The following DCAF6 variants were observed in gnomAD, a reference collection of about 807,000 sequenced individuals.
The protein encoded by DCAF6 is DDB1- and CUL4-associated factor 6.
Under a neutral mutation model 125.1 loss-of-function variants are expected in DCAF6, and 54 were observed. The observed-to-expected ratio is 0.43, with a 90% CI of 0.35 to 0.54. The LOEUF is 0.54. Ranked by LOEUF, DCAF6 falls within the 20% of genes least tolerant of loss-of-function variation. The pLI is 0.01. For missense variants in DCAF6, 934 were observed against 1,161.7 expected (o/e 0.80, Z 2.85); for synonymous variants, 371 against 390.4 (o/e 0.95, Z 0.58).
At chr1:167,899,341 C>G in the DCAF6 span, 1 of 1,387,180 alleles carries the variant, frequency 7.2e-7, no homozygotes, top group Admixed American at 1.7e-5. Context: ...TTTATGAAAC[C>G]AGCGTGCCCA....
intron 13 of DCAF6, among the ~76,000 whole-genome samples, chr1:168,040,634 C>T (rs542976623): frequency 3.4e-4 from 52 of 151,140 alleles, no homozygotes; most frequent in Non-Finnish European, 6.3e-4. Context: ...AGTAGGTCAT[C>T]GTACTTATCA....
the DCAF6 span, among the ~76,000 whole-genome samples, chr1:167,896,294 G>A: frequency 6.6e-6 from 1 of 152,198 alleles, no homozygotes; most frequent in Non-Finnish European, 1.5e-5. Flanking sequence ...ATTGGTGAAG[G>A]TTAGGAGGGG....
chr1:168,024,926 A>T (rs1468554228), intron 12 of DCAF6, among the ~76,000 whole-genome samples: 2 of 152,208 alleles, frequency 1.3e-5, no homozygotes, highest in Non-Finnish European at 1.5e-5. Context: ...TGAGAAAGAA[A>T]GAATGAATGA....
the DCAF6 span, among the ~76,000 whole-genome samples, chr1:167,887,357 T>C: frequency 6.6e-6 from 1 of 152,234 alleles, no homozygotes; most frequent in Non-Finnish European, 1.5e-5. Context: ...AGTGGAATAT[T>C]ATGCACCCAT....
At chr1:167,979,213 TAAATC>T (rs1197400265) in intron 4 of DCAF6, among the ~76,000 whole-genome samples, 1 of 152,162 alleles carries the variant, frequency 6.6e-6, no homozygotes, top group African/African-American at 2.4e-5. Flanking sequence ...TTTAGAAAAT[TAAATC>T]AAAATCCAAA....
chr1:168,045,684 T>C (rs547577531), intron 16 of DCAF6, among the ~76,000 whole-genome samples: 27 of 152,328 alleles, frequency 1.8e-4, no homozygotes, highest in African/African-American at 6.0e-4. Flanking sequence ...ACTGTTTTTC[T>C]TTGATTTCTA....
chr1:167,989,165 C>T (rs1050050356), intron 5 of DCAF6, among the ~76,000 whole-genome samples: 2 of 152,048 alleles, frequency 1.3e-5, no homozygotes, highest in African/African-American at 4.8e-5. Flanking sequence ...CACAGATATG[C>T]AAATAGGGAA....
intron 21 of DCAF6, among the ~76,000 whole-genome samples, chr1:168,069,916 A>G (rs1444229841): frequency 1.3e-5 from 2 of 152,190 alleles, no homozygotes; most frequent in African/African-American, 4.8e-5. Flanking sequence ...TTTGAATTTC[A>G]CATTTGAGGA....
chr1:167,967,161 T>A (rs1209671507), intron 3 of DCAF6, among the ~76,000 whole-genome samples: 1 of 152,192 alleles, frequency 6.6e-6, no homozygotes, highest in Non-Finnish European at 1.5e-5. Context: ...TTCGTTTTCT[T>A]AAAAATTTGA....
At chr1:168,044,530 T>C (rs1688922800) in intron 14 of DCAF6, 55 bp from the exon 15 acceptor site, 2 of 1,329,926 alleles carry the variant, frequency 1.5e-6, no homozygotes. Flanking sequence ...TCAGCGATTT[T>C]AGAACTAATC....
At chr1:168,008,931 C>CTCTCTCTCTCTT (rs983119533) in intron 10 of DCAF6, among the ~76,000 whole-genome samples, 1 of 140,524 alleles carries the variant, frequency 7.1e-6, no homozygotes, top group African/African-American at 2.6e-5. Context: ...TGCTTGCTTT[C>CTCTCTCTCTCTT]TCTCTCTCTC....
the DCAF6 span, among the ~76,000 whole-genome samples, chr1:167,919,407 G>C: frequency 1.2e-3 from 184 of 152,250 alleles, no homozygotes; most frequent in Middle Eastern, 0.014. Context: ...TTTCTCAAAA[G>C]ATCCTGATTT....
chr1:167,948,852 A>G (rs1168292748), intron 1 of DCAF6, among the ~76,000 whole-genome samples: 1 of 152,230 alleles, frequency 6.6e-6, no homozygotes, highest in Non-Finnish European at 1.5e-5. Flanking sequence ...GGGTTTTGAC[A>G]TGTTGATCAG....
intron 1 of DCAF6, among the ~76,000 whole-genome samples, chr1:167,943,215 T>C (rs966387326): frequency 6.6e-6 from 1 of 152,316 alleles, no homozygotes; most frequent in East Asian, 1.9e-4. Flanking sequence ...GGCCGAAATT[T>C]GGTCTTTTTT....
At chr1:167,891,384 C>T in the DCAF6 span, among the ~76,000 whole-genome samples, 1 of 151,842 alleles carries the variant, frequency 6.6e-6, no homozygotes. Flanking sequence ...GGGTCGGGCG[C>T]AGTGGCTCAC....
the DCAF6 span, chr1:167,870,124 C>T: frequency 9.9e-7 from 1 of 1,008,246 alleles, no homozygotes. Context: ...ATCTATTTAG[C>T]ACAAGGGTCA....
the DCAF6 span, among the ~76,000 whole-genome samples, chr1:167,866,224 A>G: frequency 6.6e-6 from 1 of 152,182 alleles, no homozygotes; most frequent in Non-Finnish European, 1.5e-5. Flanking sequence ...CATTTCATCA[A>G]CAAGAGGGAG....
At chr1:168,032,833 T>C (rs1367645467) in intron 12 of DCAF6, among the ~76,000 whole-genome samples, 2 of 152,190 alleles carry the variant, frequency 1.3e-5, no homozygotes, top group Admixed American at 6.5e-5. Context: ...TCTAAAGAAA[T>C]TATTGTTGCT....
the DCAF6 span, among the ~76,000 whole-genome samples, chr1:167,868,924 C>T: frequency 0.029 from 4,425 of 152,236 alleles, 210 homozygotes; most frequent in African/African-American, 0.1. Flanking sequence ...CTTGACTATT[C>T]TGGCCCGGCA....
Sources: gnomAD v4.1 joint callset for allele counts (sites outside exome capture counted in the v4.1 genomes callset) on GRCh38, gnomAD v4.1.1 for gene constraint, MANE v1.5 for transcripts, NCBI Gene and HGNC (gene_info 2026-07-23, HGNC 2026-07-21) for gene names.